Variants in CCDC91 observed in about 807,000 individuals in gnomAD.
CCDC91 encodes the protein coiled-coil domain-containing protein 91.
In CCDC91, 48 loss-of-function variants were observed where a neutral mutation model predicts 63.2. The observed-to-expected ratio is 0.76, with a 90% CI of 0.60 to 0.97. The LOEUF (loss-of-function observed/expected upper bound fraction) is 0.97. Ranked by LOEUF, CCDC91 falls within the 50% of genes least tolerant of loss-of-function variation. The pLI, the probability that CCDC91 is intolerant of heterozygous loss-of-function variation, is 0.00. For missense variants in CCDC91, 500 were observed against 494.6 expected, an observed-to-expected ratio of 1.01 and a Z score of -0.10; for synonymous variants, 167 against 165.8, an observed-to-expected ratio of 1.01 and a Z score of -0.06.
At chr12:28,228,292 A>G (rs1177745827) in intron 1 of CCDC91, among the ~76,000 whole-genome samples, 1 of 152,098 alleles carries the variant, frequency 6.6e-6, no homozygotes, top group Non-Finnish European at 1.5e-5. Context: ...TTTAACTTAG[A>G]TATCCTCACC....
At chr12:28,267,805 G>T (rs370320187) in intron 3 of CCDC91, among the ~76,000 whole-genome samples, 4,852 of 14,436 alleles carry the variant, frequency 0.34, 827 homozygotes, top group East Asian at 0.56. Flanking sequence ...TAATTATATA[G>T]TAATATATAA....
chr12:28,315,986 A>G (rs1304600265), intron 6 of CCDC91, among the ~76,000 whole-genome samples: 1 of 151,926 alleles, frequency 6.6e-6, no homozygotes, highest in African/African-American at 2.4e-5. Context: ...TATTCTTTCT[A>G]TGAACATCTG....
chr12:28,346,377 C>T (rs762449074), intron 6 of CCDC91, among the ~76,000 whole-genome samples: 3 of 152,130 alleles, frequency 2.0e-5, no homozygotes, highest in African/African-American at 7.2e-5. Context: ...AATTTCCCTT[C>T]TTGTAAGCCA....
chr12:28,442,061 AG>A (rs199759097), intron 8 of CCDC91, among the ~76,000 whole-genome samples: 2,984 of 152,128 alleles, frequency 0.02, 45 homozygotes, highest in Non-Finnish European at 0.03. Flanking sequence ...AGTGAGTGAT[AG>A]GTGTAGAGAG....
intron 8 of CCDC91, among the ~76,000 whole-genome samples, chr12:28,395,414 G>T (rs1007517901): frequency 4.6e-5 from 7 of 152,176 alleles, no homozygotes; most frequent in African/African-American, 1.7e-4. Context: ...GCAAGTATTA[G>T]GTCCCCAGGG....
intron 11 of CCDC91, among the ~76,000 whole-genome samples, chr12:28,462,765 A>G (rs1303298779): frequency 2.0e-5 from 3 of 152,142 alleles, no homozygotes; most frequent in Admixed American, 2.0e-4. Flanking sequence ...TAAACTGATT[A>G]TTATAATTTT....
At chr12:28,391,073 G>A (rs1262683258) in intron 7 of CCDC91, among the ~76,000 whole-genome samples, 2 of 151,654 alleles carry the variant, frequency 1.3e-5, no homozygotes, top group East Asian at 3.9e-4. Context: ...GAGAAGATGT[G>A]TGGAAGGAAC....
At chr12:28,216,753 T>C (rs915748558) in intron 1 of CCDC91, among the ~76,000 whole-genome samples, 3 of 152,072 alleles carry the variant, frequency 2.0e-5, no homozygotes, top group African/African-American at 7.2e-5. Flanking sequence ...TGGCTTTAAG[T>C]GTGTTTGTTC....
Position 28,259,357 on chromosome 12 carries a change from C to T in CCDC91, c.31-7C>T, listed in dbSNP as rs764683624. On this transcript the variant is annotated splice_polypyrimidine_tract_variant and splice_region_variant and intron_variant, in intron 2 of 12. Coordinates refer to ENST00000536442, the MANE Select transcript of CCDC91 (RefSeq NM_018318.5). ...TCTTCTAAAATAATCTTGCCTTTGTCTTGTAGGCTGCGGAGACTTTTGATG... is the reference window on the plus strand; with the variant it reads ...TCTTCTAAAATAATCTTGCCTTTGTTTTGTAGGCTGCGGAGACTTTTGATG... 1 of 1,607,600 alleles carries T rather than the reference C, an allele frequency of 6.2e-7. No individual in the cohort carries two copies. Among genetic ancestry groups the T allele is most frequent in the Non-Finnish European group, 8.5e-7 (1 of 1,174,886 alleles).
intron 3 of CCDC91, among the ~76,000 whole-genome samples, chr12:28,286,279 A>G (rs547212199): frequency 3.1e-4 from 47 of 152,198 alleles, no homozygotes; most frequent in African/African-American, 1.1e-3. Flanking sequence ...AACCTGTGCC[A>G]TGGGGGTTTG....
chr12:28,361,238 A>T (rs1206937280), intron 6 of CCDC91, among the ~76,000 whole-genome samples: 1 of 151,714 alleles, frequency 6.6e-6, no homozygotes, highest in Admixed American at 6.6e-5. Flanking sequence ...TGTGCAGGTT[A>T]GTTACATATG....
chr12:28,419,088 T>C (rs79678031), intron 8 of CCDC91, among the ~76,000 whole-genome samples: 1 of 152,168 alleles, frequency 6.6e-6, no homozygotes, highest in Non-Finnish European at 1.5e-5. Context: ...TTTTTACATA[T>C]GTTTTATACC....
chr12:28,398,081 C>CA (rs1428462729), intron 8 of CCDC91, among the ~76,000 whole-genome samples: 1 of 152,100 alleles, frequency 6.6e-6, no homozygotes, highest in African/African-American at 2.4e-5. Context: ...TAAATGTACT[C>CA]ATTCTATAGA....
intron 1 of CCDC91, among the ~76,000 whole-genome samples, chr12:28,240,319 T>A (rs956805268): frequency 2.0e-5 from 3 of 152,194 alleles, no homozygotes; most frequent in Admixed American, 2.0e-4. Flanking sequence ...ATAGATTATC[T>A]CTTGGTCTAG....
intron 8 of CCDC91, among the ~76,000 whole-genome samples, chr12:28,394,711 GCT>G (rs151131648): frequency 9.5e-5 from 13 of 136,892 alleles, no homozygotes; most frequent in African/African-American, 1.6e-4. Context: ...TCTGTTTCTT[GCT>G]CTCTCTCTCT....
intron 6 of CCDC91, among the ~76,000 whole-genome samples, chr12:28,356,622 T>G (rs1028527344): frequency 6.6e-6 from 1 of 152,184 alleles, no homozygotes; most frequent in East Asian, 1.9e-4. Flanking sequence ...TGTAATCTTG[T>G]GGCTTCCAAG....
chr12:28,239,126 A>G (rs1945163931), intron 1 of CCDC91, among the ~76,000 whole-genome samples: 1 of 151,924 alleles, frequency 6.6e-6, no homozygotes, highest in African/African-American at 2.4e-5. Flanking sequence ...TCTCGGAAAA[A>G]AAAAAAAAAT....
In CCDC91 at chr12:28,380,824, G is replaced by C. The variant is rs1945254752; in HGVS notation, c.655-10480G>C. ...ATTATTCTAATGAACTGAATTATCAGTAAGGTCTATCTAGATTCAAGCATT... is the reference window on the plus strand; with the variant it reads ...ATTATTCTAATGAACTGAATTATCACTAAGGTCTATCTAGATTCAAGCATT... On this transcript the variant is annotated intron_variant, in intron 7 of 12. Coordinates refer to ENST00000536442, the MANE Select transcript of CCDC91 (RefSeq NM_018318.5). Among the ~76,000 whole-genome samples, 3 of 152,044 alleles carry C rather than the reference G, an allele frequency of 2.0e-5. No individual in the cohort carries two copies. The South Asian group carries it at 6.2e-4, about 32-fold the overall frequency.
At chr12:28,546,185 C>T (rs1026915763) in intron 12 of CCDC91, among the ~76,000 whole-genome samples, 2 of 151,970 alleles carry the variant, frequency 1.3e-5, no homozygotes, top group Non-Finnish European at 2.9e-5. Context: ...TGTTTACTTA[C>T]CTTAAAAAGA....
Sources: gnomAD v4.1 joint callset for allele counts (sites outside exome capture counted in the v4.1 genomes callset) on GRCh38, gnomAD v4.1.1 for gene constraint, MANE v1.5 for transcripts, NCBI Gene and HGNC (gene_info 2026-07-23, HGNC 2026-07-21) for gene names.